The following SLC25A48 variants were observed in gnomAD, a reference collection of about 807,000 sequenced individuals.
SLC25A48 encodes the protein CTC-321K16.1.
A neutral mutation model predicts 32.2 loss-of-function variants in SLC25A48; 29 were observed. The observed-to-expected ratio is 0.90, with a 90% CI of 0.67 to 1.23. The LOEUF (loss-of-function observed/expected upper bound fraction) is 1.23, where lower values mean the gene tolerates loss of function less well. Ranked by LOEUF, SLC25A48 falls within the 50% of genes most tolerant of loss-of-function variation. The probability of loss-of-function intolerance (pLI) is 0.00; values close to 1 mark genes in which losing one functional copy is unlikely to be tolerated. For synonymous variants in SLC25A48, 164 were observed against 172.3 expected, an observed-to-expected ratio of 0.95 and a Z score of 0.38; for missense variants, 399 against 422.7, an observed-to-expected ratio of 0.94 and a Z score of 0.49.
chr5:135,774,591 C>T (rs557071005), intron 3 of SLC25A48, among the ~76,000 whole-genome samples: 16 of 151,910 alleles, frequency 1.1e-4, no homozygotes, highest in Non-Finnish European at 2.1e-4. Flanking sequence ...TTATACACCC[C>T]TCTTCTGATA....
intron 6 of SLC25A48, among the ~76,000 whole-genome samples, chr5:135,879,089 C>G (rs983030089): frequency 6.6e-6 from 1 of 152,096 alleles, no homozygotes; most frequent in African/African-American, 2.4e-5. Flanking sequence ...ACATAATACT[C>G]CCTAGGGATG....
At chr5:135,614,113 C>A (rs1404375780) in intron 1 of SLC25A48, among the ~76,000 whole-genome samples, 1 of 152,114 alleles carries the variant, frequency 6.6e-6, no homozygotes, top group Non-Finnish European at 1.5e-5. Context: ...TCTTCAATTT[C>A]TTTCACCAGT....
chr5:135,661,186 T>C (rs1192004545), intron 3 of SLC25A48, among the ~76,000 whole-genome samples: 2 of 152,238 alleles, frequency 1.3e-5, no homozygotes, highest in Non-Finnish European at 2.9e-5. Flanking sequence ...ACCAGCTTCC[T>C]GTCTGCCTCC....
At chr5:135,788,209 C>T (rs1029473229) in intron 3 of SLC25A48, among the ~76,000 whole-genome samples, 3 of 151,310 alleles carry the variant, frequency 2.0e-5, no homozygotes, top group Non-Finnish European at 2.9e-5. Context: ...GGGGTCGTAG[C>T]ACCTCCCCGC....
At chr5:135,790,610 C>A (rs1410422917) in intron 3 of SLC25A48, among the ~76,000 whole-genome samples, 1 of 111,190 alleles carries the variant, frequency 9.0e-6, no homozygotes, top group Non-Finnish European at 1.9e-5. Context: ...TTTGTAATAT[C>A]CTGGCGAGAT....
chr5:135,886,114 G>A (rs371218261), intron 7 of SLC25A48, among the ~76,000 whole-genome samples: 9 of 151,992 alleles, frequency 5.9e-5, no homozygotes, highest in African/African-American at 2.2e-4. Flanking sequence ...ATTTGATGAT[G>A]GTGATTATTG....
chr5:135,721,261 GC>G (rs34246992), intron 3 of SLC25A48, among the ~76,000 whole-genome samples: 51,597 of 132,594 alleles, frequency 0.39, 11,554 homozygotes, highest in Non-Finnish European at 0.51. Context: ...GAGTACAATG[GC>G]GTGATCTTGG....
intron 3 of SLC25A48, among the ~76,000 whole-genome samples, chr5:135,786,382 C>T (rs1756849459): frequency 6.6e-6 from 1 of 152,052 alleles, no homozygotes; most frequent in African/African-American, 2.4e-5. Flanking sequence ...AAAAATGTTA[C>T]TCCTAATGTC....
intron 1 of SLC25A48, among the ~76,000 whole-genome samples, chr5:135,584,411 G>A (rs566505016): frequency 3.9e-5 from 6 of 152,380 alleles, no homozygotes; most frequent in Admixed American, 3.3e-4. Flanking sequence ...GGCAATGAAG[G>A]AAAAGCACAG....
intron 1 of SLC25A48, among the ~76,000 whole-genome samples, chr5:135,599,009 A>T (rs1320043544): frequency 2.6e-5 from 4 of 151,992 alleles, no homozygotes; most frequent in African/African-American, 4.8e-5. Flanking sequence ...GAAGGAGGGG[A>T]TATAACGAGG....
At chr5:135,727,284 T>C (rs1260154158) in intron 3 of SLC25A48, among the ~76,000 whole-genome samples, 5 of 132,960 alleles carry the variant, frequency 3.8e-5, no homozygotes, top group Non-Finnish European at 8.2e-5. Context: ...TATATATGTA[T>C]GTACACACAC....
At position 135,874,114 on chromosome 5, in the gene SLC25A48, T is replaced by C; in HGVS notation, c.773T>C (p.Leu258Pro). The change falls in exon 6 of 8, where the codon CTG becomes CCG. Residue 258 changes from leucine (L) to proline (P), a missense_variant. Coordinates refer to ENST00000681962, the MANE Select transcript of SLC25A48 (RefSeq NM_001349336.2). ...GVYLNKYKGV[L>P]DCISQSYQKE... is the part of the protein sequence containing the mutation. ...TATTTAAACAAATATAAAGGTGTCC[T>C]GGACTGTATCTCCCAGAGTTACCAG... 3 of 1,506,448 alleles carry C rather than the reference T, an allele frequency of 2.0e-6. No individual in the cohort carries two copies. The highest frequency in any genetic ancestry group is 2.6e-6 in the Non-Finnish European group (3 of 1,136,304). The allele number at this position is 1,506,448 out of a possible 1,614,324, so 93.3% of individuals were successfully genotyped here.
chr5:135,739,637 T>C (rs1319511006), intron 3 of SLC25A48, among the ~76,000 whole-genome samples: 1 of 152,174 alleles, frequency 6.6e-6, no homozygotes, highest in East Asian at 1.9e-4. Flanking sequence ...TCCTGCTGGA[T>C]TTAGGGCAGG....
At chr5:135,771,739 G>T (rs1004735438) in intron 3 of SLC25A48, among the ~76,000 whole-genome samples, 5 of 151,432 alleles carry the variant, frequency 3.3e-5, no homozygotes, top group Non-Finnish European at 7.4e-5. Context: ...ATATCCAAGG[G>T]GAGAGAGGAT....
chr5:135,710,007 T>C (rs986003596), intron 3 of SLC25A48, among the ~76,000 whole-genome samples: 10 of 152,140 alleles, frequency 6.6e-5, no homozygotes, highest in African/African-American at 2.4e-4. Context: ...ACTGTAAAGC[T>C]CACAACATGA....
upstream of SLC25A48, among the ~76,000 whole-genome samples, chr5:135,831,347 G>A (rs1758204093): frequency 6.6e-6 from 1 of 152,226 alleles, no homozygotes; most frequent in Non-Finnish European, 1.5e-5. Context: ...GTGACTGACT[G>A]CCCATCAGGC....
chr5:135,833,204 A>T (rs189086545), upstream of SLC25A48, among the ~76,000 whole-genome samples: 11 of 152,356 alleles, frequency 7.2e-5, no homozygotes, highest in African/African-American at 2.6e-4. Flanking sequence ...TTTGGAAAGC[A>T]ACCCACTCCT....
intron 1 of SLC25A48, among the ~76,000 whole-genome samples, chr5:135,620,751 A>G (rs559945330): frequency 1.3e-5 from 2 of 152,062 alleles, no homozygotes; most frequent in Non-Finnish European, 1.5e-5. Flanking sequence ...TTCGAACTCC[A>G]AGGTGTGTGA....
chr5:135,679,765 C>T (rs970788570), intron 3 of SLC25A48, among the ~76,000 whole-genome samples: 3 of 152,150 alleles, frequency 2.0e-5, no homozygotes, highest in Non-Finnish European at 4.4e-5. Context: ...GCTATAGAGG[C>T]TCTTGGGTCT....
Sources: gnomAD v4.1 joint callset for allele counts (sites outside exome capture counted in the v4.1 genomes callset) on GRCh38, gnomAD v4.1.1 for gene constraint, MANE v1.5 for transcripts, NCBI Gene and HGNC (gene_info 2026-07-23, HGNC 2026-07-21) for gene names.